Variants in DYM observed in about 807,000 individuals in gnomAD.
DYM encodes the protein dyggve-Melchior-Clausen syndrome protein.
Under a neutral mutation model 93.1 loss-of-function variants are expected in DYM, and 78 were observed. The observed-to-expected ratio is 0.84, with a 90% confidence interval of 0.70 to 1.01. DYM has a LOEUF of 1.01. DYM is among the 50% of genes least tolerant of loss of function. The pLI is 0.00. For synonymous variants in DYM, 321 were observed against 319.7 expected (o/e 1.00, Z -0.04); for missense variants, 789 against 845.0 (o/e 0.93, Z 0.82).
chr18:49,150,674 C>T lies in DYM; in HGVS notation c.1728+13011G>A, dbSNP rs185138281. Among the ~76,000 whole-genome samples, 453 of 152,318 alleles carry T rather than the reference C, an allele frequency of 3.0e-3. 5 individuals are homozygous for T. The highest frequency in any genetic ancestry group is 1.0e-2 in the African/African-American group (415 of 41,562). On this transcript the variant is annotated intron_variant, in intron 15 of 17. Coordinates refer to ENST00000675505, the MANE Select transcript of DYM (RefSeq NM_001353214.3). ...AACACAGGCTTAAAACATGGCCCTA[C>T]AGAAGATGGATCATTCATTCAGCAA...
intron 10 of DYM, among the ~76,000 whole-genome samples, chr18:49,272,570 C>T (rs978833537): frequency 3.9e-5 from 6 of 152,096 alleles, no homozygotes; most frequent in African/African-American, 1.4e-4. Flanking sequence ...CATTTAGGCT[C>T]GTTGTTTGTT....
intron 13 of DYM, among the ~76,000 whole-genome samples, chr18:49,231,803 G>A (rs1179967455): frequency 6.6e-6 from 1 of 152,172 alleles, no homozygotes; most frequent in African/African-American, 2.4e-5. Context: ...AAAGTCACCA[G>A]AGGAATCTTA....
chr18:49,360,112 G>C (rs1363991526), intron 6 of DYM, among the ~76,000 whole-genome samples: 2 of 152,150 alleles, frequency 1.3e-5, no homozygotes, highest in Non-Finnish European at 2.9e-5. Flanking sequence ...ACACTGAAAT[G>C]TTTGATATAT....
intron 15 of DYM, among the ~76,000 whole-genome samples, chr18:49,124,105 A>G (rs1476086025): frequency 6.6e-6 from 1 of 152,242 alleles, no homozygotes; most frequent in Admixed American, 6.5e-5. Context: ...TAATTTGCTG[A>G]AACAAACAGG....
chr18:49,058,694 C>T (rs948295325), intron 17 of DYM, among the ~76,000 whole-genome samples: 5 of 152,186 alleles, frequency 3.3e-5, no homozygotes, highest in African/African-American at 1.2e-4. Flanking sequence ...TTGTTATACA[C>T]TGTAAGCATG....
At chr18:49,334,976 G>A (rs1191880577) in intron 6 of DYM, among the ~76,000 whole-genome samples, 5 of 152,040 alleles carry the variant, frequency 3.3e-5, no homozygotes, top group Non-Finnish European at 5.9e-5. Context: ...GCATGGTGGC[G>A]GGCACCTGTA....
At chr18:49,311,122 C>T (rs1039440566) in intron 8 of DYM, among the ~76,000 whole-genome samples, 2 of 152,150 alleles carry the variant, frequency 1.3e-5, no homozygotes, top group African/African-American at 4.8e-5. Flanking sequence ...TCCTTAGAGA[C>T]AGCACAGGTC....
chr18:49,134,948 A>AATACAAC (rs1432662200), intron 15 of DYM, among the ~76,000 whole-genome samples: 1 of 152,102 alleles, frequency 6.6e-6, no homozygotes, highest in African/African-American at 2.4e-5. Flanking sequence ...CTCTACTAAA[A>AATACAAC]ATACAACAAA....
At chr18:49,268,687 G>A (rs1287930911) in intron 11 of DYM, among the ~76,000 whole-genome samples, 1 of 151,788 alleles carries the variant, frequency 6.6e-6, no homozygotes, top group East Asian at 1.9e-4. Flanking sequence ...TAATTATCTG[G>A]GTGGTAATGA....
At position 49,334,940 on chromosome 18, in the gene DYM, T is replaced by C. The variant is rs796146354; in HGVS notation, c.495-1087A>G. ...GGCCAACATGGTAAAACCCCATCTCTGCTAAAAATACAAAAAATTAGCTGG... is the reference window on the plus strand; with the variant it reads ...GGCCAACATGGTAAAACCCCATCTCCGCTAAAAATACAAAAAATTAGCTGG... On this transcript the variant is annotated intron_variant, in intron 6 of 17. Coordinates refer to ENST00000675505, the MANE Select transcript of DYM (RefSeq NM_001353214.3). Among the ~76,000 whole-genome samples, 50 of 152,242 alleles carry C rather than the reference T, an allele frequency of 3.3e-4. 1 individual carries two copies. The highest frequency in any genetic ancestry group is 1.2e-3 in the African/African-American group (49 of 41,546).
chr18:49,350,192 T>G (rs2064985279), intron 6 of DYM, among the ~76,000 whole-genome samples: 1 of 152,054 alleles, frequency 6.6e-6, no homozygotes, highest in East Asian at 1.9e-4. Flanking sequence ...TGAAGTGAAT[T>G]TATGTACATG....
intron 2 of DYM, among the ~76,000 whole-genome samples, chr18:49,405,004 C>T (rs1419657944): frequency 3.8e-5 from 5 of 130,356 alleles, no homozygotes; most frequent in Non-Finnish European, 8.2e-5. Flanking sequence ...CAGAGTGAGA[C>T]TCCATCTCAA....
At chr18:49,250,159 C>T (rs1172480826) in intron 13 of DYM, among the ~76,000 whole-genome samples, 2 of 152,208 alleles carry the variant, frequency 1.3e-5, no homozygotes, top group African/African-American at 4.8e-5. Flanking sequence ...CAGATGCCAG[C>T]CCATCTTCTA....
chr18:49,256,055 T>A (rs566643741), intron 13 of DYM, among the ~76,000 whole-genome samples: 1 of 123,868 alleles, frequency 8.1e-6, no homozygotes, highest in East Asian at 2.4e-4. Context: ...CGGCACTCCA[T>A]CCTGGGTGAC....
chr18:49,209,413 T>C, intron 14 of DYM, 138 bp downstream of exon 14: 1 of 555,588 alleles, frequency 1.8e-6, no homozygotes, highest in Non-Finnish European at 2.5e-6. Context: ...GCTATTATTT[T>C]AAAAAAATTA....
chr18:49,401,936 G>C (rs1318723941), intron 2 of DYM, among the ~76,000 whole-genome samples: 1 of 151,184 alleles, frequency 6.6e-6, no homozygotes, highest in African/African-American at 2.4e-5. Flanking sequence ...TGAGGCAGGA[G>C]AATCACTTGA....
At chr18:49,372,265 T>A (rs956782455) in intron 5 of DYM, among the ~76,000 whole-genome samples, 3 of 152,154 alleles carry the variant, frequency 2.0e-5, no homozygotes, top group African/African-American at 7.2e-5. Context: ...TGCTCTTTTA[T>A]CAACTGTAAA....
rs907204851 is a variant in DYM at position 49,038,017 on chromosome 18, G to A, written c.*6038C>T. Among the ~76,000 whole-genome samples, 1 of 152,114 alleles carries A rather than the reference G, an allele frequency of 6.6e-6. No homozygotes were observed. The highest frequency in any genetic ancestry group is 2.4e-5 in the African/African-American group (1 of 41,408). ...TTTTTTTATTTTTTGTAAAGGTGGG[G>A]CCTCATTATGTTGCCCAAGCTGGTC... On this transcript the variant is annotated 3_prime_UTR_variant, in exon 18 of 18. Coordinates refer to ENST00000675505, the MANE Select transcript of DYM (RefSeq NM_001353214.3).
intron 8 of DYM, among the ~76,000 whole-genome samples, chr18:49,330,593 T>A (rs1279017306): frequency 6.6e-6 from 1 of 152,226 alleles, no homozygotes; most frequent in Non-Finnish European, 1.5e-5. Flanking sequence ...GTATTGCCAT[T>A]GTTTTGAAGA....
Sources: allele counts gnomAD v4.1 joint callset (sites outside exome capture counted in the v4.1 genomes callset), GRCh38; gene constraint gnomAD v4.1.1; transcripts MANE v1.5; gene names NCBI Gene and HGNC (gene_info 2026-07-23, HGNC 2026-07-21).